OSBPL10: variants seen among roughly 807,000 people sequenced by gnomAD.
OSBPL10 encodes the protein oxysterol-binding protein-related protein 10.
OSBPL10 carries 49 observed loss-of-function variants against 81.7 expected under a neutral mutation model. That is an observed-to-expected ratio of 0.60 (90% CI 0.48 to 0.76). OSBPL10 has a LOEUF of 0.76. Ranked by LOEUF, OSBPL10 falls within the 30% of genes least tolerant of loss-of-function variation. The pLI is 0.00. For synonymous variants in OSBPL10, 419 were observed against 383.6 expected, an observed-to-expected ratio of 1.09 and a Z score of -1.08; for missense variants, 923 against 987.8, an observed-to-expected ratio of 0.93 and a Z score of 0.88.
At chr3:32,015,001 G>A (rs140264044) in intron 2 of OSBPL10, among the ~76,000 whole-genome samples, 129 of 152,240 alleles carry the variant, frequency 8.5e-4, no homozygotes, top group African/African-American at 2.9e-3. Flanking sequence ...AATCAATATC[G>A]TGAAAATGGC....
chr3:31,741,346 C>A (rs571384308), intron 5 of OSBPL10, among the ~76,000 whole-genome samples: 98 of 152,344 alleles, frequency 6.4e-4, no homozygotes, highest in African/African-American at 2.3e-3. Context: ...CTCACTGCAA[C>A]CTCCGCCTCC....
At chr3:31,954,509 A>C (rs993896558) in intron 1 of OSBPL10, among the ~76,000 whole-genome samples, 1 of 152,246 alleles carries the variant, frequency 6.6e-6, no homozygotes, top group African/African-American at 2.4e-5. Context: ...GACTAGAGGA[A>C]GCCAGACACA....
At chr3:31,941,088 A>C (rs1478614881) in intron 1 of OSBPL10, among the ~76,000 whole-genome samples, 1 of 152,216 alleles carries the variant, frequency 6.6e-6, no homozygotes, top group Non-Finnish European at 1.5e-5. Context: ...CAGGTGAATG[A>C]AACATTCAAA....
intron 6 of OSBPL10, among the ~76,000 whole-genome samples, chr3:31,722,829 A>G (rs999944971): frequency 6.6e-6 from 1 of 152,152 alleles, no homozygotes; most frequent in African/African-American, 2.4e-5. Flanking sequence ...GGCTAAATAC[A>G]TTTGCTGTAA....
chr3:31,835,389 A>AG (rs1484256019), intron 3 of OSBPL10, among the ~76,000 whole-genome samples: 5 of 151,752 alleles, frequency 3.3e-5, no homozygotes, highest in Non-Finnish European at 5.9e-5. Context: ...TGGTCCTCAA[A>AG]ACCTCTTAAG....
intron 6 of OSBPL10, among the ~76,000 whole-genome samples, chr3:31,719,995 T>C (rs1356297604): frequency 1.3e-5 from 2 of 150,568 alleles, no homozygotes; most frequent in Admixed American, 6.6e-5. Context: ...TGAAAAGCCA[T>C]AGAACATTAC....
intron 8 of OSBPL10, among the ~76,000 whole-genome samples, chr3:31,672,368 G>T (rs1700344001): frequency 8.4e-6 from 1 of 119,326 alleles, no homozygotes; most frequent in African/African-American, 3.0e-5. Context: ...GGGCGGGGGG[G>T]GGGGCAGGAG....
intron 2 of OSBPL10, among the ~76,000 whole-genome samples, chr3:32,017,632 G>C (rs1179582341): frequency 2.0e-5 from 3 of 152,168 alleles, no homozygotes; most frequent in Non-Finnish European, 4.4e-5. Context: ...CAAAGCCCCG[G>C]AAAGTACACT....
intron 5 of OSBPL10, among the ~76,000 whole-genome samples, chr3:31,737,100 C>G (rs980421395): frequency 6.6e-6 from 1 of 152,124 alleles, no homozygotes; most frequent in African/African-American, 2.4e-5. Context: ...TAGACAAAGA[C>G]CAGGACAGGA....
intron 2 of OSBPL10, among the ~76,000 whole-genome samples, chr3:32,032,023 T>C (rs1699475268): frequency 1.3e-5 from 2 of 152,216 alleles, no homozygotes; most frequent in Non-Finnish European, 2.9e-5. Context: ...TGGTAGTTCA[T>C]GCCTATAATT....
chr3:31,984,800 A>G (rs1698910898), upstream of OSBPL10, among the ~76,000 whole-genome samples: 1 of 152,248 alleles, frequency 6.6e-6, no homozygotes, highest in South Asian at 2.1e-4. Flanking sequence ...GGGTTAGACT[A>G]TGAACTAAAT....
intron 2 of OSBPL10, among the ~76,000 whole-genome samples, chr3:32,035,045 A>T (rs1486525068): frequency 6.6e-6 from 1 of 152,212 alleles, no homozygotes; most frequent in African/African-American, 2.4e-5. Context: ...TGGAAGCAGC[A>T]GTGTCTACAC....
intron 1 of OSBPL10, among the ~76,000 whole-genome samples, chr3:32,058,895 C>T (rs1398096867): frequency 6.6e-6 from 1 of 152,146 alleles, no homozygotes; most frequent in Non-Finnish European, 1.5e-5. Flanking sequence ...CGCTATGTTG[C>T]CCATGCTGGT....
chr3:31,721,514 C>T (rs983455711), intron 6 of OSBPL10: 3 of 152,190 alleles, frequency 2.0e-5, no homozygotes, highest in African/African-American at 7.2e-5. Flanking sequence ...AGAGAAAACC[C>T]AGGCAAGACA....
chr3:32,000,831 G>T (rs532226088), intron 2 of OSBPL10, among the ~76,000 whole-genome samples: 1 of 152,286 alleles, frequency 6.6e-6, no homozygotes, highest in Admixed American at 6.5e-5. Context: ...GTTCACATGG[G>T]AAATACCTTT....
chr3:31,665,813 C>T (rs181328043), intron 10 of OSBPL10, among the ~76,000 whole-genome samples: 4 of 152,258 alleles, frequency 2.6e-5, no homozygotes, highest in Non-Finnish European at 5.9e-5. Flanking sequence ...GGGCTGGGCA[C>T]CAGGACAGCT....
intron 1 of OSBPL10, among the ~76,000 whole-genome samples, chr3:31,921,240 CTTT>C (rs992210980): frequency 6.6e-6 from 1 of 152,066 alleles, no homozygotes; most frequent in Non-Finnish European, 1.5e-5. Flanking sequence ...CACACATGTA[CTTT>C]TTTTATGTCA....
chr3:31,720,214 ATAAT>A (rs1696590197), intron 6 of OSBPL10, among the ~76,000 whole-genome samples: 2 of 152,040 alleles, frequency 1.3e-5, no homozygotes, highest in Admixed American at 1.3e-4. Flanking sequence ...TTTTAATGCA[ATAAT>A]TATGCTGTTT....
At chr3:31,912,731 G>A (rs995265781) in intron 1 of OSBPL10, among the ~76,000 whole-genome samples, 7 of 152,086 alleles carry the variant, frequency 4.6e-5, no homozygotes, top group East Asian at 1.9e-4. Context: ...ATAGAATTTC[G>A]GCACTGAAAG....
Sources: allele counts gnomAD v4.1 joint callset (sites outside exome capture counted in the v4.1 genomes callset), GRCh38; gene constraint gnomAD v4.1.1; transcripts MANE v1.5; gene names NCBI Gene and HGNC (gene_info 2026-07-23, HGNC 2026-07-21).